Variants in GNAI3 observed in about 807,000 individuals in gnomAD.
GNAI3 encodes guanine nucleotide-binding protein G(i) subunit alpha-3.
In GNAI3, 12 loss-of-function variants were observed where a neutral mutation model predicts 41.8. The ratio of observed to expected loss-of-function variants is 0.29; its 90% CI spans 0.18 to 0.47. GNAI3 has a LOEUF of 0.47. GNAI3 is among the 20% of genes least tolerant of loss of function. GNAI3 has a pLI of 1.00. For missense variants in GNAI3, 360 were observed against 429.6 expected (o/e 0.84, Z 1.43); for synonymous variants, 132 against 146.5 (o/e 0.90, Z 0.71).
intron 1 of GNAI3, among the ~76,000 whole-genome samples, chr1:109,564,871 G>T (rs944406705): frequency 1.3e-5 from 2 of 152,090 alleles, no homozygotes; most frequent in African/African-American, 4.8e-5. Context: ...AAGCCTTTTT[G>T]GTAATCGGTA....
Position 109,598,414 on chromosome 1 carries a change from G to C in GNAI3, c.*6092G>C, listed in dbSNP as rs1649368606. 6.5e-6 allele frequency: 1 copy of C among 152,904 alleles called. No homozygotes were observed. Among genetic ancestry groups the C allele is most frequent in the South Asian group, 2.0e-4 (1 of 4,882 alleles). The allele number at this position is 152,904 out of a possible 1,614,324, so 9.5% of individuals were successfully genotyped here. ...AATCACTCATCTGTTATCTAAAGAT[G>C]GACTAAATTATTCCTTCCTGCTGTG... On this transcript the variant is annotated 3_prime_UTR_variant, in exon 9 of 9. Transcript: ENST00000369851.
chr1:109,592,052 C>G lies in GNAI3; in HGVS notation c.884C>G (p.Thr295Arg). 1 of 1,607,684 alleles carries G rather than the reference C, an allele frequency of 6.2e-7. No homozygotes were observed. Among genetic ancestry groups the G allele is most frequent in the Non-Finnish European group, 8.5e-7 (1 of 1,175,088 alleles). The change falls in exon 8 of 9, where the codon ACA becomes AGA. Residue 295 changes from threonine to arginine, a missense_variant. By Grantham distance (71) the Thr-to-Arg change is moderately conservative. Transcript: ENST00000369851. ...ICYPEYTGSN[T>R]YEEAAAYIQC... ...TGGGTGTCCGTTTTAGGTTCCAATA[C>G]ATATGAAGAGGCAGCTGCCTATATT...
intron 3 of GNAI3, among the ~76,000 whole-genome samples, chr1:109,576,502 G>GTT (rs869033106): frequency 6.9e-5 from 10 of 144,410 alleles, no homozygotes; most frequent in East Asian, 2.0e-4. Flanking sequence ...GGCCTCTTCT[G>GTT]TTTTTTTTTT....
Position 109,557,801 on chromosome 1 carries a change from A to T in GNAI3, c.118+8963A>T, listed in dbSNP as rs938226745. Among the ~76,000 whole-genome samples, 6 of 152,096 alleles carry T rather than the reference A, an allele frequency of 3.9e-5. 1 individual carries two copies. The highest frequency in any genetic ancestry group is 1.4e-4 in the African/African-American group (6 of 41,384). On this transcript the variant is annotated intron_variant, in intron 1 of 8. Transcript: ENST00000369851. ...AGTATCAGATTGGCCCAGCCTTGTC[A>T]TCTGCCAACCACAATCCAGTCATGT... is the stretch of plus-strand genomic sequence containing the variant.
intron 5 of GNAI3, 133 bp from the exon 6 acceptor site, chr1:109,586,083 T>G: frequency 1.6e-6 from 1 of 635,058 alleles, no homozygotes; most frequent in Admixed American, 3.3e-5. Context: ...TTTGACTGCA[T>G]TTAATCTATT....
chr1:109,580,538 G>C (rs1648865818), intron 4 of GNAI3, among the ~76,000 whole-genome samples: 1 of 152,184 alleles, frequency 6.6e-6, no homozygotes, highest in African/African-American at 2.4e-5. Context: ...TAGGTGATTT[G>C]TCATTGTGTG....
In GNAI3 at chr1:109,548,697, C is replaced by G. The variant is rs373043112; in HGVS notation, c.-24C>G. 1 of 1,535,202 alleles carries G rather than the reference C, an allele frequency of 6.5e-7. No homozygotes were observed. The highest frequency in any genetic ancestry group is 1.4e-5 in the African/African-American group (1 of 73,520). On this transcript the variant is annotated 5_prime_UTR_variant, in exon 1 of 9. Transcript: ENST00000369851. The stretch of plus-strand genomic sequence containing the variant: ...TCCGTGGTGTGAGTGAGTCCGGGCC[C>G]GTGTCCCCTCTCCCGCCGCCGCCAT...
At chr1:109,578,349 A>G (rs1390899201) in intron 3 of GNAI3, among the ~76,000 whole-genome samples, 1 of 151,998 alleles carries the variant, frequency 6.6e-6, no homozygotes, top group Non-Finnish European at 1.5e-5. Flanking sequence ...AGATGCCTGT[A>G]ATCCCAGCTA....
intron 1 of GNAI3, among the ~76,000 whole-genome samples, chr1:109,564,341 G>C (rs760383134): frequency 6.6e-6 from 1 of 150,380 alleles, no homozygotes; most frequent in East Asian, 1.9e-4. Flanking sequence ...GGTCCCATCC[G>C]TTTGTTTTTT....
intron 1 of GNAI3, among the ~76,000 whole-genome samples, chr1:109,563,685 G>A (rs1417777852): frequency 6.6e-6 from 1 of 152,052 alleles, no homozygotes. Flanking sequence ...TATGTAATTG[G>A]TGAAGGATAT....
At chr1:109,576,670 C>A (rs1020565171) in intron 3 of GNAI3, among the ~76,000 whole-genome samples, 1 of 152,044 alleles carries the variant, frequency 6.6e-6, no homozygotes, top group African/African-American at 2.4e-5. Context: ...AGGCATGCAC[C>A]ACCATGCCCG....
chr1:109,558,558 A>G (rs1379901604), intron 1 of GNAI3, among the ~76,000 whole-genome samples: 6 of 152,220 alleles, frequency 3.9e-5, no homozygotes, highest in Non-Finnish European at 8.8e-5. Context: ...TAATTTAGGA[A>G]TGAATTTTTT....
At chr1:109,574,262 AG>A (rs1648682149) in intron 3 of GNAI3, among the ~76,000 whole-genome samples, 2 of 151,620 alleles carry the variant, frequency 1.3e-5, no homozygotes, top group African/African-American at 4.8e-5. Flanking sequence ...GGTGCACGGT[AG>A]GTTTCTGGGA....
chr1:109,577,062 G>A (rs1208112833), intron 3 of GNAI3, among the ~76,000 whole-genome samples: 6 of 147,580 alleles, frequency 4.1e-5, no homozygotes, highest in Non-Finnish European at 7.4e-5. Context: ...ATTTGAATAC[G>A]TGCATGGGTA....
At chr1:109,575,770 T>C (rs139116069) in intron 3 of GNAI3, among the ~76,000 whole-genome samples, 3,183 of 152,100 alleles carry the variant, frequency 0.021, 42 homozygotes, top group Non-Finnish European at 0.03. Context: ...GACCTTGTGA[T>C]CCGCCCGCCT....
At chr1:109,583,231 A>G (rs1648941228) in intron 5 of GNAI3, among the ~76,000 whole-genome samples, 1 of 152,084 alleles carries the variant, frequency 6.6e-6, no homozygotes, top group Non-Finnish European at 1.5e-5. Context: ...TTTTTTAGAG[A>G]CAGGGTCGTA....
chr1:109,570,161 C>T (rs1442203228), intron 1 of GNAI3, among the ~76,000 whole-genome samples: 1 of 152,074 alleles, frequency 6.6e-6, no homozygotes, highest in African/African-American at 2.4e-5. Context: ...TCACTATGTG[C>T]TATTTGAGTA....
chr1:109,560,855 A>G (rs909298125), intron 1 of GNAI3, among the ~76,000 whole-genome samples: 3 of 152,182 alleles, frequency 2.0e-5, no homozygotes, highest in Non-Finnish European at 4.4e-5. Flanking sequence ...GACCTGATTC[A>G]CTGCTCTTAA....
chr1:109,574,598 G>A (rs1183424754), intron 3 of GNAI3, among the ~76,000 whole-genome samples: 1 of 152,058 alleles, frequency 6.6e-6, no homozygotes, highest in Non-Finnish European at 1.5e-5. Flanking sequence ...TATTTAAAAA[G>A]TTGTATTATT....
Sources: gnomAD v4.1 joint callset for allele counts (sites outside exome capture counted in the v4.1 genomes callset) on GRCh38, gnomAD v4.1.1 for gene constraint, MANE v1.5 for transcripts, NCBI Gene and HGNC (gene_info 2026-07-23, HGNC 2026-07-21) for gene names.